The following PLCG2 variants were observed in gnomAD, a reference collection of about 807,000 sequenced individuals.
PLCG2 encodes the protein 1-phosphatidylinositol 4,5-bisphosphate phosphodiesterase gamma-2.
Under a neutral mutation model 175.6 loss-of-function variants are expected in PLCG2, and 69 were observed. The ratio of observed to expected loss-of-function variants is 0.39; its 90% CI spans 0.32 to 0.48. The LOEUF (loss-of-function observed/expected upper bound fraction) is 0.48. Among genes scored for constraint, PLCG2 ranks in the 20% least tolerant of loss-of-function variants. The pLI, the probability that PLCG2 is intolerant of heterozygous loss-of-function variation, is 0.91. For missense variants in PLCG2, 1,798 were observed against 1,650.9 expected (o/e 1.09, Z -1.54); for synonymous variants, 827 against 624.0 (o/e 1.33, Z -4.85).
Position 81,846,791 on chromosome 16 carries a change from C to G in PLCG2, c.194-7653C>G, listed in dbSNP as rs62045704. ...TTTTCAATTCACATTCAATACAGCA[C>G]GAAACACTTCACCTCAGAGAAAGGA... is the stretch of plus-strand genomic sequence containing the variant. On this transcript the variant is annotated intron_variant, in intron 2 of 32. Transcript: ENST00000564138. Among the ~76,000 whole-genome samples the G allele has an allele frequency of 2.0e-5, 3 of 152,142 alleles. No individual in the cohort carries two copies. The East Asian group carries it at 5.8e-4, about 29-fold the overall frequency.
chr16:81,770,145 A>C (rs1269312049), intron 2 of PLCG2, among the ~76,000 whole-genome samples: 3 of 152,162 alleles, frequency 2.0e-5, no homozygotes, highest in Non-Finnish European at 4.4e-5. Context: ...AACAACGCAG[A>C]GAAGTGTACA....
chr16:81,914,458 G>C (rs181487860), intron 19 of PLCG2, among the ~76,000 whole-genome samples: 1 of 152,230 alleles, frequency 6.6e-6, no homozygotes, highest in Non-Finnish European at 1.5e-5. Flanking sequence ...ATGGGACCGC[G>C]TGAATGAAGA....
At chr16:81,940,304 G>A (rs1195478431) in intron 30 of PLCG2, among the ~76,000 whole-genome samples, 1 of 152,130 alleles carries the variant, frequency 6.6e-6, no homozygotes, top group Non-Finnish European at 1.5e-5. Flanking sequence ...GATTGTTAGT[G>A]GATCCTCAAC....
At chr16:81,746,574 G>T (rs551958457) in intron 1 of PLCG2, among the ~76,000 whole-genome samples, 109 of 152,262 alleles carry the variant, frequency 7.2e-4, no homozygotes, top group Admixed American at 1.3e-3. Context: ...TTAAGTGTAG[G>T]ATTTCGTTTT....
At chr16:81,770,806 C>T (rs1910261768) in intron 2 of PLCG2, among the ~76,000 whole-genome samples, 1 of 152,094 alleles carries the variant, frequency 6.6e-6, no homozygotes, top group South Asian at 2.1e-4. Flanking sequence ...CGCCTGTTAT[C>T]CCAGCACTTT....
chr16:81,903,025 A>G (rs761872833), intron 14 of PLCG2, among the ~76,000 whole-genome samples: 22 of 152,210 alleles, frequency 1.4e-4, no homozygotes, highest in Non-Finnish European at 5.9e-5. Flanking sequence ...AGGAGCTGCA[A>G]TTCAAGGTGA....
intron 9 of PLCG2, among the ~76,000 whole-genome samples, chr16:81,888,205 G>A (rs1398909765): frequency 6.6e-6 from 1 of 152,126 alleles, no homozygotes; most frequent in Admixed American, 6.5e-5. Flanking sequence ...AAGCTGCCAC[G>A]GTCAGAGTAC....
chr16:81,940,695 T>G (rs974333830), intron 30 of PLCG2, among the ~76,000 whole-genome samples: 2 of 149,554 alleles, frequency 1.3e-5, no homozygotes, highest in African/African-American at 5.0e-5. Flanking sequence ...CCCAGATGAC[T>G]GAGCCCTTCC....
chr16:81,958,221 T>TC lies in PLCG2; in HGVS notation c.*227dup, dbSNP rs1214513934. 1 of 549,532 alleles carries TC rather than the reference T, an allele frequency of 1.8e-6. No individual in the cohort carries two copies. Among genetic ancestry groups the TC allele is most frequent in the East Asian group, 2.9e-5 (1 of 33,960 alleles). The allele number at this position is 549,532 out of a possible 1,614,324, so 34.0% of individuals were successfully genotyped here. On this transcript the variant is annotated 3_prime_UTR_variant, in exon 33 of 33. Coordinates refer to ENST00000564138, the MANE Select transcript of PLCG2 (RefSeq NM_002661.5). ...TTAACTTATATTCTTTATAGAGGAT[T>TC]CCCCAAAATGTGCTCCTCATTTTTG... is the stretch of plus-strand genomic sequence containing the variant.
rs114618894 is a variant in PLCG2, at chr16:81,928,585, C to T, written c.2542C>T (p.Leu848Phe). 9.8e-4 allele frequency: 1,580 copies of T among 1,609,336 alleles called. 13 individuals are homozygous for T. The African/African-American group carries it at 0.018, about 18-fold the overall frequency. ...QIIEDNPLGS[L>F]CRGILDLNTY... is the part of the protein sequence containing the mutation. ...TATTGAAGACAATCCCTTAGGGTCT[C>T]TTTGCAGAGGAATATTGGACCTCAA... Residue 848 changes from leucine (L) to phenylalanine (F), a missense_variant, in exon 24 of 33, where the codon CTT (leucine) becomes TTT (phenylalanine). Coordinates refer to ENST00000564138, the MANE Select transcript of PLCG2 (RefSeq NM_002661.5).
chr16:81,952,812 G>A (rs1337847952), intron 31 of PLCG2, among the ~76,000 whole-genome samples: 1 of 152,206 alleles, frequency 6.6e-6, no homozygotes, highest in Admixed American at 6.5e-5. Context: ...ACCTACTGAT[G>A]AATGCAAAAT....
chr16:81,889,525 G>T, intron 10 of PLCG2: 1 of 330,694 alleles, frequency 3.0e-6, no homozygotes, highest in Non-Finnish European at 5.6e-6. Context: ...ATCAAGGCAG[G>T]GGAATTGCAA....
chr16:81,819,486 T>G (rs1904700518), intron 2 of PLCG2, among the ~76,000 whole-genome samples: 1 of 152,166 alleles, frequency 6.6e-6, no homozygotes, highest in African/African-American at 2.4e-5. Context: ...ACCTCCTGGC[T>G]CCTCGCCCAC....
At chr16:81,828,066 C>T (rs185731450) in intron 2 of PLCG2, among the ~76,000 whole-genome samples, 137 of 135,452 alleles carry the variant, frequency 1.0e-3, no homozygotes, top group East Asian at 6.7e-4. Flanking sequence ...CTCCAGCCTG[C>T]GCAACAAGAG....
chr16:81,758,515 A>C (rs1909974952), intron 2 of PLCG2, among the ~76,000 whole-genome samples: 1 of 152,162 alleles, frequency 6.6e-6, no homozygotes. Flanking sequence ...GTATTTACCT[A>C]GGAGTGGCCT....
intron 2 of PLCG2, among the ~76,000 whole-genome samples, chr16:81,792,155 C>T (rs1165897341): frequency 2.0e-5 from 3 of 152,152 alleles, no homozygotes; most frequent in Admixed American, 2.0e-4. Context: ...CCTGCTCTGC[C>T]ACTGTATTAG....
At chr16:81,933,145 C>T (rs1451758903) in intron 25 of PLCG2, among the ~76,000 whole-genome samples, 1 of 152,216 alleles carries the variant, frequency 6.6e-6, no homozygotes, top group Non-Finnish European at 1.5e-5. Context: ...CTGTTGGCGG[C>T]CTTTGGTCTG....
chr16:81,884,913 T>A (rs1908278599), intron 9 of PLCG2, among the ~76,000 whole-genome samples: 1 of 152,070 alleles, frequency 6.6e-6, no homozygotes, highest in South Asian at 2.1e-4. Flanking sequence ...AGATAAGGTC[T>A]CACTCACCCC....
intron 2 of PLCG2, among the ~76,000 whole-genome samples, chr16:81,803,901 T>C (rs1054019793): frequency 2.0e-5 from 3 of 152,140 alleles, no homozygotes; most frequent in African/African-American, 7.2e-5. Flanking sequence ...AAGCTAGTCT[T>C]GAACTCCTGG....
Sources: allele counts gnomAD v4.1 joint callset (sites outside exome capture counted in the v4.1 genomes callset), GRCh38; gene constraint gnomAD v4.1.1; transcripts MANE v1.5; gene names NCBI Gene and HGNC (gene_info 2026-07-23, HGNC 2026-07-21).